Variants in HK1 observed in about 807,000 individuals in gnomAD.
HK1 encodes hexokinase 1, also known as hexokinase-1.
In HK1, 28 loss-of-function variants were observed where a neutral mutation model predicts 91.6. The ratio of observed to expected loss-of-function variants is 0.31; its 90% CI spans 0.23 to 0.42. The LOEUF is 0.42. Ranked by LOEUF, HK1 falls within the 10% of genes least tolerant of loss-of-function variation. The pLI is 1.00. For synonymous variants in HK1, 430 were observed against 468.1 expected (o/e 0.92, Z 1.05); for missense variants, 770 against 1,219.8 (o/e 0.63, Z 5.49).
Position 69,359,976 on chromosome 10 carries a change from C to A in HK1, c.306C>A (p.Asn102Lys). The change falls in exon 3 of 18, where the codon AAC becomes AAA. Residue 102 changes from asparagine to lysine, a missense_variant. Physicochemically the swap from Asn to Lys is moderately conservative, Grantham distance 94 (BLOSUM62 0). Transcript: ENST00000359426. Reference sequence around the variant, plus strand: ...GGGTGCAAGTGAATCATGAGAAAAACCAGAATGTTCACATGGAGTCCGAGG... The same window carrying A: ...GGGTGCAAGTGAATCATGAGAAAAAACAGAATGTTCACATGGAGTCCGAGG... Reference protein sequence around the residue: ...ILRVQVNHEKNQNVHMESEVY... With the variant: ...ILRVQVNHEKKQNVHMESEVY... 3 of 1,614,098 alleles carry A rather than the reference C, an allele frequency of 1.9e-6. No homozygotes were observed. Among genetic ancestry groups the A allele is most frequent in the Non-Finnish European group, 2.5e-6 (3 of 1,179,928 alleles).
intron 1 of HK1, among the ~76,000 whole-genome samples, chr10:69,324,521 G>A (rs758477096): frequency 2.0e-4 from 31 of 152,176 alleles, no homozygotes; most frequent in Non-Finnish European, 3.5e-4. Context: ...GAACCTGGGA[G>A]GCGGAGGTTG....
Position 69,295,814 on chromosome 10 carries a change from A to G in HK1, c.-67+134A>G, listed in dbSNP as rs1845537090. On this transcript the variant is annotated intron_variant, in intron 4 of 21. Transcript: ENST00000360289. The stretch of plus-strand genomic sequence containing the variant: ...CAGTGGCTTCTCCAGGGTGTGGAGC[A>G]GTATTGACCTCCAACTTGCTCCCTG... 9.9e-6 allele frequency: 7 copies of G among 703,706 alleles called. No homozygotes were observed. In the East Asian group the frequency reaches 1.9e-4, roughly 19 times the overall value. 43.6% of individuals were successfully genotyped at this position (703,706 alleles called of 1,614,324 possible). A position where few individuals can be genotyped will look rare whatever the true frequency, so the allele number is the denominator to read the frequency against.
At chr10:69,337,835 C>G (rs79717056) in intron 1 of HK1, among the ~76,000 whole-genome samples, 7,298 of 152,280 alleles carry the variant, frequency 0.048, 201 homozygotes, top group African/African-American at 0.075. Context: ...TGCACCCTTC[C>G]ACGGGGTGGG....
At chr10:69,283,163 CT>C (rs1844843785) in intron 2 of HK1, among the ~76,000 whole-genome samples, 1 of 128,468 alleles carries the variant, frequency 7.8e-6, no homozygotes, top group African/African-American at 2.9e-5. Flanking sequence ...AAGGTATAAT[CT>C]GGCAGGGTGC....
chr10:69,334,324 G>A (rs954001785), intron 1 of HK1, among the ~76,000 whole-genome samples: 8 of 152,160 alleles, frequency 5.3e-5, no homozygotes, highest in African/African-American at 1.9e-4. Flanking sequence ...CTGTCACTGA[G>A]GAGCCCTGCG....
upstream of HK1, among the ~76,000 whole-genome samples, chr10:69,316,179 G>C (rs955119503): frequency 1.3e-5 from 2 of 152,196 alleles, no homozygotes; most frequent in African/African-American, 2.4e-5. Flanking sequence ...AAGTGGCCTT[G>C]TTGCGGCCAG....
intron 16 of HK1, among the ~76,000 whole-genome samples, chr10:69,397,787 T>C (rs1357949288): frequency 6.6e-6 from 1 of 152,134 alleles, no homozygotes. Flanking sequence ...AAGACAAATA[T>C]ATCAGGAGAA....
At chr10:69,361,293 T>C (rs778151613) in intron 3 of HK1, among the ~76,000 whole-genome samples, 9 of 152,250 alleles carry the variant, frequency 5.9e-5, no homozygotes, top group Non-Finnish European at 2.9e-5. Context: ...GCTCCCCTGC[T>C]ACTCCCATTA....
intron 5 of HK1, among the ~76,000 whole-genome samples, chr10:69,301,888 G>A (rs916863031): frequency 7.9e-5 from 12 of 152,174 alleles, no homozygotes; most frequent in South Asian, 4.2e-4. Context: ...AAATGGAAGG[G>A]GTGCCGAATA....
intron 1 of HK1, among the ~76,000 whole-genome samples, chr10:69,279,779 G>A (rs1448647680): frequency 1.3e-5 from 2 of 152,178 alleles, no homozygotes; most frequent in Non-Finnish European, 2.9e-5. Flanking sequence ...TCACAGTTAG[G>A]AATCAGGACC....
intron 1 of HK1, among the ~76,000 whole-genome samples, chr10:69,328,117 C>G (rs1847487156): frequency 6.6e-6 from 1 of 152,168 alleles, no homozygotes; most frequent in African/African-American, 2.4e-5. Flanking sequence ...CGTAAATGTG[C>G]CCAGCTCTGC....
At chr10:69,334,433 T>C (rs1291217003) in intron 1 of HK1, among the ~76,000 whole-genome samples, 2 of 152,114 alleles carry the variant, frequency 1.3e-5, no homozygotes, top group African/African-American at 4.8e-5. Context: ...GGCCCCTCTG[T>C]CCCTCTGGGC....
intron 1 of HK1, among the ~76,000 whole-genome samples, chr10:69,271,248 G>T (rs1255323355): frequency 1.3e-5 from 2 of 152,084 alleles, no homozygotes; most frequent in Non-Finnish European, 2.9e-5. Context: ...ATGTGTGTGT[G>T]CATGTACCAT....
upstream of HK1, chr10:69,318,032 G>C (rs1048839574): frequency 2.0e-6 from 2 of 985,230 alleles, no homozygotes; most frequent in Non-Finnish European, 2.4e-6. Flanking sequence ...AGAGCAAGAG[G>C]AGGCCCAGAG....
At chr10:69,383,593 G>A (rs1298437997) in intron 10 of HK1, among the ~76,000 whole-genome samples, 2 of 152,244 alleles carry the variant, frequency 1.3e-5, no homozygotes, top group Non-Finnish European at 2.9e-5. Flanking sequence ...GGACAGTTCT[G>A]CTCATCAGGG....
At chr10:69,334,712 G>A (rs1847891830) in intron 1 of HK1, among the ~76,000 whole-genome samples, 1 of 152,186 alleles carries the variant, frequency 6.6e-6, no homozygotes, top group Non-Finnish European at 1.5e-5. Context: ...AAAGGGCCCA[G>A]AGGGCATGGC....
intron 5 of HK1, among the ~76,000 whole-genome samples, chr10:69,309,424 G>T (rs558837152): frequency 3.0e-5 from 4 of 133,084 alleles, no homozygotes; most frequent in African/African-American, 1.1e-4. Context: ...CTTGTGATCC[G>T]CCTGCCTCGG....
chr10:69,333,363 C>T (rs557617856), intron 1 of HK1, among the ~76,000 whole-genome samples: 1 of 152,322 alleles, frequency 6.6e-6, no homozygotes, highest in Non-Finnish European at 1.5e-5. Context: ...GACTGGAGGT[C>T]CAGAGGCTGG....
intron 14 of HK1, 64 bp downstream of exon 14, chr10:69,389,360 G>A: frequency 8.1e-7 from 1 of 1,239,238 alleles, no homozygotes; most frequent in Admixed American, 2.0e-5. Context: ...CGTTTTGTGG[G>A]GCCTTGGCCC....
Sources: allele counts gnomAD v4.1 joint callset (sites outside exome capture counted in the v4.1 genomes callset), GRCh38; gene constraint gnomAD v4.1.1; transcripts MANE v1.5; gene names NCBI Gene and HGNC (gene_info 2026-07-23, HGNC 2026-07-21).